Variants in TMEM131 observed in about 807,000 individuals in gnomAD.
TMEM131 encodes 2610524E03Rik.
In TMEM131, 66 loss-of-function variants were observed where a neutral mutation model predicts 211.6. That is an observed-to-expected ratio of 0.31 (90% CI 0.26 to 0.38). TMEM131 has a LOEUF of 0.38. Among genes scored for constraint, TMEM131 ranks in the 10% least tolerant of loss-of-function variants. The probability of loss-of-function intolerance (pLI) is 1.00; values close to 1 mark genes in which losing one functional copy is unlikely to be tolerated. For synonymous variants in TMEM131, 844 were observed against 841.3 expected (o/e 1.00, Z -0.06); for missense variants, 2,036 against 2,299.3 (o/e 0.89, Z 2.34).
chr2:97,901,488 G>C (rs1922282), intron 3 of TMEM131, among the ~76,000 whole-genome samples: 2 of 152,052 alleles, frequency 1.3e-5, no homozygotes, highest in African/African-American at 4.8e-5. Flanking sequence ...TGCAACCCCA[G>C]GTTTACCGTA....
Position 97,792,677 on chromosome 2 carries a change from G to A in TMEM131, c.3853C>T (p.Gln1285Ter). The change falls in exon 31 of 41, where the codon CAG becomes TAG. Residue 1285 changes from glutamine (Q) to a stop codon, truncating the protein, a stop_gained. Transcript: ENST00000186436. LOFTEE classifies it high-confidence loss of function. ...TGGTGCTGGCTGCCGTGCTGGCTCT[G>A]CTTTGCCCCTTTGGACTTTCTGCCC... ...TAGRKSKGAK[Q>*]SQHGSQHHAH... 6.2e-7 allele frequency: 1 copy of A among 1,614,016 alleles called. No homozygotes were observed. Among genetic ancestry groups the A allele is most frequent in the Non-Finnish European group, 8.5e-7 (1 of 1,179,902 alleles).
intron 33 of TMEM131, among the ~76,000 whole-genome samples, chr2:97,769,425 TAATACACA>T (rs1189853492): frequency 6.6e-6 from 1 of 152,194 alleles, no homozygotes; most frequent in African/African-American, 2.4e-5. Context: ...TTTATTCCTG[TAATACACA>T]GTACACATTT....
At chr2:97,863,581 T>C (rs1223711099) in intron 4 of TMEM131, among the ~76,000 whole-genome samples, 1 of 152,148 alleles carries the variant, frequency 6.6e-6, no homozygotes, top group Non-Finnish European at 1.5e-5. Flanking sequence ...GGTTAAAACA[T>C]GGGCAAAGTA....
intron 2 of TMEM131, among the ~76,000 whole-genome samples, chr2:97,926,238 ACT>A (rs1481107475): frequency 6.6e-6 from 1 of 151,874 alleles, no homozygotes; most frequent in Non-Finnish European, 1.5e-5. Context: ...TTGCTTTGAC[ACT>A]CTCCCTGCTT....
At chr2:97,841,034 T>A (rs755903073) in intron 7 of TMEM131, among the ~76,000 whole-genome samples, 16 of 152,200 alleles carry the variant, frequency 1.1e-4, no homozygotes, top group Non-Finnish European at 1.6e-4. Flanking sequence ...GTATTTTTCC[T>A]CCACCTGTCA....
At chr2:97,808,588 A>C (rs1681414011) in intron 19 of TMEM131, among the ~76,000 whole-genome samples, 1 of 152,132 alleles carries the variant, frequency 6.6e-6, no homozygotes, top group South Asian at 2.1e-4. Context: ...ATTCACCTGC[A>C]ATGTCTCTTG....
At chr2:97,934,778 A>G (rs1677373054) in intron 1 of TMEM131, among the ~76,000 whole-genome samples, 1 of 152,216 alleles carries the variant, frequency 6.6e-6, no homozygotes, top group African/African-American at 2.4e-5. Flanking sequence ...TCCAACAAAT[A>G]GCACAGAAGC....
intron 5 of TMEM131, among the ~76,000 whole-genome samples, chr2:97,858,795 C>T (rs1222919628): frequency 6.6e-6 from 1 of 152,208 alleles, no homozygotes; most frequent in Admixed American, 6.5e-5. Flanking sequence ...TCTACAACCA[C>T]AAGGAACCTA....
At chr2:97,850,638 T>C (rs1673585176) in intron 5 of TMEM131, among the ~76,000 whole-genome samples, 1 of 152,084 alleles carries the variant, frequency 6.6e-6, no homozygotes, top group African/African-American at 2.4e-5. Context: ...CATGTATCCC[T>C]GAACTTAAAA....
intron 8 of TMEM131, among the ~76,000 whole-genome samples, chr2:97,835,632 C>T (rs1682903540): frequency 6.6e-6 from 1 of 152,276 alleles, no homozygotes; most frequent in Admixed American, 6.5e-5. Flanking sequence ...TTAGGAGATT[C>T]TTGTGTTCTA....
chr2:97,790,126 T>TA (rs1485363117), intron 31 of TMEM131, among the ~76,000 whole-genome samples: 1 of 152,216 alleles, frequency 6.6e-6, no homozygotes, highest in African/African-American at 2.4e-5. Flanking sequence ...CTATTTAATG[T>TA]AAATCTGCTA....
chr2:97,890,094 A>G (rs1675318905), intron 3 of TMEM131, among the ~76,000 whole-genome samples: 1 of 152,150 alleles, frequency 6.6e-6, no homozygotes, highest in Non-Finnish European at 1.5e-5. Context: ...GTGAGGGAGG[A>G]GTAGGAGGTA....
At chr2:97,944,453 A>C (rs1160265035) in intron 1 of TMEM131, among the ~76,000 whole-genome samples, 1 of 152,240 alleles carries the variant, frequency 6.6e-6, no homozygotes, top group East Asian at 1.9e-4. Context: ...AAGCAAAGAC[A>C]ACACAGATAA....
intron 8 of TMEM131, among the ~76,000 whole-genome samples, 182 bp downstream of exon 8, chr2:97,836,895 T>C (rs1682965949): frequency 6.6e-6 from 1 of 152,212 alleles, no homozygotes; most frequent in Non-Finnish European, 1.5e-5. Flanking sequence ...TTCCAAAAAT[T>C]ACTACTTATA....
At position 97,805,719 on chromosome 2, in the gene TMEM131, A is replaced by G. The variant is rs1681264837; in HGVS notation, c.2056-16T>C. 1 of 1,577,500 alleles carries G rather than the reference A, an allele frequency of 6.3e-7. No individual in the cohort carries two copies. The highest frequency in any genetic ancestry group is 1.8e-5 in the Admixed American group (1 of 55,382). On this transcript the variant is annotated splice_polypyrimidine_tract_variant and intron_variant, in intron 19 of 40. Coordinates refer to ENST00000186436, the MANE Select transcript of TMEM131 (RefSeq NM_015348.2). ...CTATTTTCCCCTGAAGGAAGAAAGCAAAGAACAAACTCATTTGTATATGGT... is the reference window on the plus strand; with the variant it reads ...CTATTTTCCCCTGAAGGAAGAAAGCGAAGAACAAACTCATTTGTATATGGT...
At chr2:97,963,529 A>G (rs1484536933) in intron 1 of TMEM131, among the ~76,000 whole-genome samples, 1 of 152,206 alleles carries the variant, frequency 6.6e-6, no homozygotes, top group Non-Finnish European at 1.5e-5. Context: ...AGCCTGGCCA[A>G]CATGGCTAAA....
chr2:97,812,254 A>T (rs909295951), intron 17 of TMEM131, among the ~76,000 whole-genome samples, 167 bp downstream of exon 17: 29 of 152,362 alleles, frequency 1.9e-4, no homozygotes, highest in South Asian at 4.1e-4. Context: ...TCATCATAAA[A>T]ATAGGGGGTT....
intron 4 of TMEM131, among the ~76,000 whole-genome samples, chr2:97,881,856 G>A (rs1057063318): frequency 6.6e-6 from 1 of 152,020 alleles, no homozygotes; most frequent in African/African-American, 2.4e-5. Flanking sequence ...ATTTGTGGGG[G>A]CAAAAATAAA....
intron 1 of TMEM131, among the ~76,000 whole-genome samples, chr2:97,955,232 T>C (rs1285893470): frequency 6.6e-6 from 1 of 152,178 alleles, no homozygotes; most frequent in African/African-American, 2.4e-5. Flanking sequence ...CATATGATCA[T>C]GTCAATTGAT....
Sources: gnomAD v4.1 joint callset for allele counts (sites outside exome capture counted in the v4.1 genomes callset) on GRCh38, gnomAD v4.1.1 for gene constraint, MANE v1.5 for transcripts, NCBI Gene and HGNC (gene_info 2026-07-23, HGNC 2026-07-21) for gene names.